The following RTF1 variants were observed in gnomAD, a reference collection of about 807,000 sequenced individuals.
The protein encoded by RTF1 is RTF1 homolog, Paf1/RNA polymerase II complex component.
RTF1 carries 10 observed loss-of-function variants against 95.7 expected under a neutral mutation model. That is an observed-to-expected ratio of 0.10 (90% CI 0.06 to 0.18). The LOEUF (loss-of-function observed/expected upper bound fraction) is 0.18. Among genes scored for constraint, RTF1 ranks in the 10% least tolerant of loss-of-function variants. The pLI, the probability that RTF1 is intolerant of heterozygous loss-of-function variation, is 1.00. For synonymous variants in RTF1, 305 were observed against 311.8 expected, an observed-to-expected ratio of 0.98 and a Z score of 0.23; for missense variants, 458 against 875.6, an observed-to-expected ratio of 0.52 and a Z score of 6.02.
intron 2 of RTF1, among the ~76,000 whole-genome samples, chr15:41,452,031 GAAA>G (rs888450571): frequency 6.9e-6 from 1 of 144,338 alleles, no homozygotes; most frequent in African/African-American, 2.5e-5. Flanking sequence ...GAACCTGTCT[GAAA>G]AAAAAAAGAA....
intron 3 of RTF1, among the ~76,000 whole-genome samples, chr15:41,456,953 G>A (rs1566844227): frequency 2.6e-5 from 4 of 152,080 alleles, no homozygotes; most frequent in Middle Eastern, 3.4e-3. Flanking sequence ...ACGTGGTGGC[G>A]TGCACCTGTA....
At chr15:41,418,529 T>C (rs772613488) in intron 1 of RTF1, among the ~76,000 whole-genome samples, 17 of 152,006 alleles carry the variant, frequency 1.1e-4, no homozygotes, top group Non-Finnish European at 1.3e-4. Flanking sequence ...AGTTTGAAAG[T>C]ATTAGGGGCT....
chr15:41,465,982 CTT>C (rs981314193), intron 5 of RTF1, among the ~76,000 whole-genome samples, 157 bp from the exon 6 acceptor site: 2 of 152,192 alleles, frequency 1.3e-5, no homozygotes, highest in African/African-American at 4.8e-5. Context: ...GCGCTATCCT[CTT>C]TGTCCACAAG....
chr15:41,464,783 G>A lies in RTF1; in HGVS notation c.675G>A (p.Lys225=). 6.4e-7 allele frequency: 1 copy of A among 1,563,588 alleles called. No homozygotes were observed. The highest frequency in any genetic ancestry group is 8.6e-7 in the Non-Finnish European group (1 of 1,158,638). The change falls in exon 5 of 18, where the codon AAG becomes AAA. Residue 225 remains lysine, a synonymous_variant. Coordinates refer to ENST00000389629, the MANE Select transcript of RTF1 (RefSeq NM_015138.5). ...REVLKRRFEI[K]KKLKTAKKKE... ...ATCTTTTAACCAGATTTGAAATCAA[G>A]AAAAAACTAAAAACAGCCAAAAAGA... is the stretch of plus-strand genomic sequence containing the variant.
intron 4 of RTF1, among the ~76,000 whole-genome samples, chr15:41,458,522 G>A (rs920940070): frequency 6.6e-6 from 1 of 152,062 alleles, no homozygotes; most frequent in South Asian, 2.1e-4. Flanking sequence ...CGAGGTGGAC[G>A]GATCACCAGA....
At chr15:41,418,868 T>A (rs1200454989) in intron 1 of RTF1, among the ~76,000 whole-genome samples, 8 of 152,034 alleles carry the variant, frequency 5.3e-5, no homozygotes. Flanking sequence ...TATTTATTTT[T>A]TTTTGAGACG....
chr15:41,481,023 G>T lies in RTF1; in HGVS notation c.*336G>T. On this transcript the variant is annotated 3_prime_UTR_variant, in exon 18 of 18. Transcript: ENST00000389629. ...ACGCATTCAGTATTACCATGGAGCT[G>T]GGAATCTTGCTGGAGCCCCTGGGGC... The T allele has an allele frequency of 4.3e-6, 1 of 230,478 alleles. No homozygotes were observed. Among genetic ancestry groups the T allele is most frequent in the Non-Finnish European group, 8.8e-6 (1 of 113,464 alleles). The allele number at this position is 230,478 out of a possible 1,614,324, so 14.3% of individuals were successfully genotyped here. A position where few individuals can be genotyped will look rare whatever the true frequency, so the allele number is the denominator to read the frequency against.
chr15:41,440,231 C>T (rs1485618319), intron 2 of RTF1: 1 of 148,218 alleles, frequency 6.7e-6, no homozygotes, highest in Non-Finnish European at 1.5e-5. Flanking sequence ...CACTCTGTCA[C>T]CCAGGCTACA....
rs975174332 is a variant in RTF1 at position 41,464,640 on chromosome 15, C to T, written c.663-131C>T. On this transcript the variant is annotated intron_variant, in intron 4 of 17. Transcript: ENST00000389629. ...ATATTTTTAATGTACTTAAAAGGTA[C>T]ACCAGAGTTTCTTGCAGGAAAGCCA... is the stretch of plus-strand genomic sequence containing the variant. The T allele has an allele frequency of 4.9e-6, 3 of 612,478 alleles. No homozygotes were observed. In the African/African-American group the frequency reaches 5.7e-5, roughly 12 times the overall value. 37.9% of individuals were successfully genotyped at this position (612,478 alleles called of 1,614,324 possible). A position where few individuals can be genotyped will look rare whatever the true frequency, so the allele number is the denominator to read the frequency against.
intron 1 of RTF1, among the ~76,000 whole-genome samples, chr15:41,421,576 A>G (rs1353121561): frequency 6.6e-6 from 1 of 150,984 alleles, no homozygotes; most frequent in African/African-American, 2.4e-5. Context: ...AGTTGCAGTT[A>G]CTTGTGGTCC....
In RTF1 at chr15:41,483,436, A is replaced by C. The variant is rs1411175688; in HGVS notation, c.*2749A>C. 5 of 152,604 alleles carry C rather than the reference A, an allele frequency of 3.3e-5. No homozygotes were observed. The highest frequency in any genetic ancestry group is 7.3e-5 in the Non-Finnish European group (5 of 68,036). 9.5% of individuals were successfully genotyped at this position (152,604 alleles called of 1,614,324 possible). A position where few individuals can be genotyped will look rare whatever the true frequency, so the allele number is the denominator to read the frequency against. On this transcript the variant is annotated 3_prime_UTR_variant, in exon 18 of 18. Transcript: ENST00000389629. ...TCTGTTTGTCTGTCTTGCTTCTGGC[A>C]GGTGTAGGGAAAGTCTACTGCCTGC...
At chr15:41,456,440 G>C (rs2050816904) in intron 3 of RTF1, among the ~76,000 whole-genome samples, 1 of 150,186 alleles carries the variant, frequency 6.7e-6, no homozygotes, top group Non-Finnish European at 1.5e-5. Context: ...GCTGAGTCGA[G>C]ATCGTGCCAC....
intron 1 of RTF1, among the ~76,000 whole-genome samples, chr15:41,435,452 G>A (rs1429079114): frequency 6.6e-6 from 1 of 151,764 alleles, no homozygotes; most frequent in African/African-American, 2.4e-5. Flanking sequence ...TGGGATTACA[G>A]GTGTAGACCA....
intron 4 of RTF1, among the ~76,000 whole-genome samples, chr15:41,464,224 A>G (rs2050868576): frequency 6.7e-6 from 1 of 149,910 alleles, no homozygotes; most frequent in Non-Finnish European, 1.5e-5. Context: ...AGATGAGTAC[A>G]GCAATACCCT....
chr15:41,472,756 C>T (rs894065365), intron 8 of RTF1, among the ~76,000 whole-genome samples: 1 of 149,798 alleles, frequency 6.7e-6, no homozygotes, highest in Admixed American at 6.7e-5. Flanking sequence ...GGCTGGAGTT[C>T]AGTGGCACGA....
chr15:41,417,830 C>T (rs564752339), intron 1 of RTF1, among the ~76,000 whole-genome samples: 1 of 152,294 alleles, frequency 6.6e-6, no homozygotes, highest in East Asian at 1.9e-4. Context: ...CTAGGAGCCT[C>T]TGCCATGCTT....
chr15:41,429,590 T>G (rs8034819), intron 1 of RTF1, among the ~76,000 whole-genome samples: 18,134 of 152,096 alleles, frequency 0.12, 1,464 homozygotes, highest in African/African-American at 0.23. Flanking sequence ...GAAAGATATG[T>G]TTTCTTCTTA....
intron 12 of RTF1, 149 bp from the exon 13 acceptor site, chr15:41,477,016 T>G (rs1490705502): frequency 1.1e-6 from 1 of 946,946 alleles, no homozygotes; most frequent in Non-Finnish European, 1.6e-6. Flanking sequence ...ATCTTGTATT[T>G]GTAAAGTACT....
intron 2 of RTF1, among the ~76,000 whole-genome samples, chr15:41,446,107 ATC>A (rs1359567748): frequency 6.6e-6 from 1 of 152,076 alleles, no homozygotes; most frequent in Non-Finnish European, 1.5e-5. Context: ...TCTCAAACAC[ATC>A]TTTTTTGTGG....
Sources: gnomAD v4.1 joint callset for allele counts (sites outside exome capture counted in the v4.1 genomes callset) on GRCh38, gnomAD v4.1.1 for gene constraint, MANE v1.5 for transcripts, NCBI Gene and HGNC (gene_info 2026-07-23, HGNC 2026-07-21) for gene names.